Variants in PRELID2 observed in about 807,000 individuals in gnomAD.
PRELID2 encodes the protein PRELI domain containing 2.
In PRELID2, 25 loss-of-function variants were observed where a neutral mutation model predicts 28.4. That is an observed-to-expected ratio of 0.88 (90% CI 0.64 to 1.23). The LOEUF is 1.23. Ranked by LOEUF, PRELID2 falls within the 50% of genes most tolerant of loss-of-function variation. The pLI, the probability that PRELID2 is intolerant of heterozygous loss-of-function variation, is 0.00. For missense variants in PRELID2, 201 were observed against 214.4 expected (o/e 0.94, Z 0.39); for synonymous variants, 76 against 71.6 (o/e 1.06, Z -0.31).
intron 1 of PRELID2, among the ~76,000 whole-genome samples, chr5:145,482,878 G>A (rs968023341): frequency 5.9e-5 from 9 of 151,738 alleles, no homozygotes; most frequent in African/African-American, 9.7e-5. Context: ...AATAGGGTTC[G>A]CGCTCCTATG....
chr5:145,528,692 C>T (rs1752629400), intron 1 of PRELID2, among the ~76,000 whole-genome samples: 1 of 109,206 alleles, frequency 9.2e-6, no homozygotes, highest in Non-Finnish European at 1.8e-5. Context: ...TTCTAAACTA[C>T]ACACACACAC....
the PRELID2 span, among the ~76,000 whole-genome samples, chr5:145,248,330 C>T: frequency 6.6e-6 from 1 of 151,826 alleles, no homozygotes; most frequent in East Asian, 1.9e-4. Flanking sequence ...AATTTTGTAC[C>T]ATAGGTTGGT....
chr5:145,819,436 T>C (rs765361782), intron 3 of PRELID2: 1 of 1,548,036 alleles, frequency 6.5e-7, no homozygotes, highest in Non-Finnish European at 8.9e-7. Flanking sequence ...GAAAACAATT[T>C]GCTATCATGA....
chr5:145,409,434 T>C, the PRELID2 span, among the ~76,000 whole-genome samples: 2 of 152,148 alleles, frequency 1.3e-5, no homozygotes, highest in African/African-American at 4.8e-5. Context: ...AATTGCAGAA[T>C]GGATAAAACT....
At chr5:145,420,543 T>C in the PRELID2 span, among the ~76,000 whole-genome samples, 1 of 142,606 alleles carries the variant, frequency 7.0e-6, no homozygotes, top group Non-Finnish European at 1.6e-5. Context: ...TGTCTGTTAT[T>C]GGTGTATAAG....
intron 1 of PRELID2, among the ~76,000 whole-genome samples, chr5:145,832,432 G>A (rs929343138): frequency 1.1e-4 from 16 of 152,084 alleles, no homozygotes; most frequent in Admixed American, 2.0e-4. Flanking sequence ...TGATCCGCCC[G>A]CCTCGGCCTC....
chr5:145,707,279 C>T (rs936286678), intron 1 of PRELID2, among the ~76,000 whole-genome samples: 1 of 152,126 alleles, frequency 6.6e-6, no homozygotes, highest in African/African-American at 2.4e-5. Context: ...CCCCAATGAT[C>T]GTGACTGCAC....
the PRELID2 span, among the ~76,000 whole-genome samples, chr5:145,375,787 G>A: frequency 2.0e-5 from 3 of 152,212 alleles, no homozygotes; most frequent in Non-Finnish European, 4.4e-5. Flanking sequence ...TGGGCTGTTG[G>A]CAACACATCT....
the PRELID2 span, among the ~76,000 whole-genome samples, chr5:145,339,002 A>C: frequency 1.3e-5 from 2 of 152,206 alleles, no homozygotes; most frequent in African/African-American, 4.8e-5. Flanking sequence ...ATATTATTAA[A>C]ATAGCCCAAT....
chr5:145,645,369 T>A (rs1241187891), intron 1 of PRELID2, among the ~76,000 whole-genome samples: 1 of 148,478 alleles, frequency 6.7e-6, no homozygotes, highest in Admixed American at 6.7e-5. Context: ...TTTTTTGGCT[T>A]TTTGCTTTCC....
chr5:145,490,553 A>T (rs1428426859), intron 1 of PRELID2, among the ~76,000 whole-genome samples: 3 of 152,200 alleles, frequency 2.0e-5, no homozygotes, highest in African/African-American at 4.8e-5. Flanking sequence ...TATGAATCAT[A>T]TCCATTCTAA....
At chr5:145,699,030 C>G (rs915033399) in intron 1 of PRELID2, among the ~76,000 whole-genome samples, 1 of 152,100 alleles carries the variant, frequency 6.6e-6, no homozygotes, top group Admixed American at 6.5e-5. Flanking sequence ...CCTGGCCAGC[C>G]TCACCTCTTT....
chr5:145,611,412 C>T (rs1295792483), intron 1 of PRELID2, among the ~76,000 whole-genome samples: 2 of 152,168 alleles, frequency 1.3e-5, no homozygotes. Context: ...GATCCAACTG[C>T]CTTGGCCTCC....
chr5:145,672,919 C>T (rs919553612), intron 1 of PRELID2, among the ~76,000 whole-genome samples: 5 of 151,982 alleles, frequency 3.3e-5, no homozygotes, highest in Non-Finnish European at 5.9e-5. Flanking sequence ...GAATATATAC[C>T]TCACACAGCT....
chr5:145,316,246 A>T, the PRELID2 span, among the ~76,000 whole-genome samples: 1 of 152,230 alleles, frequency 6.6e-6, no homozygotes, highest in East Asian at 1.9e-4. Context: ...GTAAACTTTA[A>T]AATGTTTTGT....
At chr5:145,517,291 GA>G (rs199680141) in intron 1 of PRELID2, among the ~76,000 whole-genome samples, 3,372 of 146,556 alleles carry the variant, frequency 0.023, 128 homozygotes, top group African/African-American at 0.08. Flanking sequence ...AAATTTACGA[GA>G]AAAAAAAAAT....
At chr5:145,817,446 T>TATATCA (rs551734949) in intron 4 of PRELID2, among the ~76,000 whole-genome samples, 38 of 140,280 alleles carry the variant, frequency 2.7e-4, no homozygotes, top group Non-Finnish European at 4.5e-4. Flanking sequence ...TATATATATA[T>TATATCA]ATCACATGGT....
the PRELID2 span, among the ~76,000 whole-genome samples, chr5:145,303,721 A>G: frequency 6.6e-6 from 1 of 152,208 alleles, no homozygotes; most frequent in East Asian, 1.9e-4. Context: ...CTGAATTTCC[A>G]CTGATTGCAA....
intron 5 of PRELID2, among the ~76,000 whole-genome samples, chr5:145,774,321 A>T (rs569269200): frequency 6.6e-6 from 1 of 152,358 alleles, no homozygotes; most frequent in East Asian, 1.9e-4. Context: ...TCTCCACCTC[A>T]TTCCACAACG....
Sources: allele counts gnomAD v4.1 joint callset (sites outside exome capture counted in the v4.1 genomes callset), GRCh38; gene constraint gnomAD v4.1.1; transcripts MANE v1.5; gene names NCBI Gene and HGNC (gene_info 2026-07-23, HGNC 2026-07-21).